The following HS3ST5 variants were observed in gnomAD, a reference collection of about 807,000 sequenced individuals.
The protein encoded by HS3ST5 is heparan sulfate-glucosamine 3-sulfotransferase 5.
In HS3ST5, 10 loss-of-function variants were observed where a neutral mutation model predicts 25.4. The observed-to-expected ratio is 0.39, with a 90% confidence interval of 0.24 to 0.67. The LOEUF (loss-of-function observed/expected upper bound fraction) is 0.67. Ranked by LOEUF, HS3ST5 falls within the 30% of genes least tolerant of loss-of-function variation. The probability of loss-of-function intolerance (pLI) is 0.44; values close to 1 mark genes in which losing one functional copy is unlikely to be tolerated. For missense variants in HS3ST5, 324 were observed against 420.7 expected, an observed-to-expected ratio of 0.77 and a Z score of 2.01; for synonymous variants, 170 against 162.4, an observed-to-expected ratio of 1.05 and a Z score of -0.36.
At chr6:114,148,589 C>G (rs559018284) in intron 3 of HS3ST5, among the ~76,000 whole-genome samples, 11 of 152,108 alleles carry the variant, frequency 7.2e-5, no homozygotes, top group Non-Finnish European at 1.6e-4. Flanking sequence ...CCACTGTACT[C>G]CATCCTGGGC....
chr6:114,240,162 T>C (rs1021691052), intron 1 of HS3ST5, among the ~76,000 whole-genome samples: 1 of 152,174 alleles, frequency 6.6e-6, no homozygotes, highest in Non-Finnish European at 1.5e-5. Flanking sequence ...ATGTCTCTGT[T>C]GCCAAACTTC....
chr6:114,097,437 AC>A (rs1477936657), intron 3 of HS3ST5, among the ~76,000 whole-genome samples: 2 of 151,992 alleles, frequency 1.3e-5, no homozygotes, highest in Non-Finnish European at 2.9e-5. Context: ...AAGCATTATT[AC>A]CAGGGAAGGA....
chr6:114,185,867 C>A (rs960454132), intron 2 of HS3ST5, among the ~76,000 whole-genome samples: 1 of 151,842 alleles, frequency 6.6e-6, no homozygotes, highest in Non-Finnish European at 1.5e-5. Flanking sequence ...GCCTCCTGAG[C>A]AGCTGGGGCT....
intron 2 of HS3ST5, among the ~76,000 whole-genome samples, chr6:114,211,535 C>T (rs1270154848): frequency 2.0e-5 from 3 of 152,040 alleles, no homozygotes; most frequent in Admixed American, 1.3e-4. Context: ...AATGATTTTT[C>T]TTTTTAGTAA....
chr6:114,317,856 TG>T (rs1347163273), intron 1 of HS3ST5, among the ~76,000 whole-genome samples: 1 of 151,940 alleles, frequency 6.6e-6, no homozygotes, highest in African/African-American at 2.4e-5. Flanking sequence ...TTAGACAGGG[TG>T]GCTAGCGATC....
intron 1 of HS3ST5, among the ~76,000 whole-genome samples, chr6:114,268,001 G>A (rs117076852): frequency 0.014 from 2,129 of 152,100 alleles, 33 homozygotes; most frequent in Non-Finnish European, 0.021. Context: ...ATATGCATTC[G>A]CAACATTAAG....
intron 3 of HS3ST5, among the ~76,000 whole-genome samples, chr6:114,141,858 TTGTG>T (rs59862071): frequency 0.11 from 15,215 of 141,154 alleles, 1,099 homozygotes; most frequent in Admixed American, 0.23. Context: ...AGATGATAGT[TTGTG>T]TGTGTGTGTG....
chr6:114,142,158 G>C (rs1482129015), intron 3 of HS3ST5, among the ~76,000 whole-genome samples: 1 of 151,782 alleles, frequency 6.6e-6, no homozygotes, highest in Admixed American at 6.6e-5. Flanking sequence ...AAGCTTTCCT[G>C]CTTGGAGCAT....
chr6:114,105,994 A>T (rs1775973110), intron 3 of HS3ST5, among the ~76,000 whole-genome samples: 1 of 152,168 alleles, frequency 6.6e-6, no homozygotes, highest in Non-Finnish European at 1.5e-5. Context: ...GTAAGCTGTA[A>T]TGTTGTTTTC....
chr6:114,157,536 A>G (rs1011487750), intron 3 of HS3ST5, among the ~76,000 whole-genome samples: 1 of 152,206 alleles, frequency 6.6e-6, no homozygotes, highest in Admixed American at 6.5e-5. Context: ...GGTTAATAAT[A>G]GTGTACTGTA....
At chr6:114,207,695 C>T (rs1781334598) in intron 2 of HS3ST5, among the ~76,000 whole-genome samples, 1 of 152,164 alleles carries the variant, frequency 6.6e-6, no homozygotes, top group South Asian at 2.1e-4. Context: ...GTCTTTTACA[C>T]CTTTCCAATG....
In HS3ST5 at chr6:114,278,549, A is replaced by G. The variant is rs145855640; in HGVS notation, c.-338-49771T>C. 4.8e-3 allele frequency among the ~76,000 whole-genome samples: 730 copies of G among 151,326 alleles called. 1 individual carries two copies. Among genetic ancestry groups the G allele is most frequent in the Non-Finnish European group, 8.1e-3 (547 of 67,692 alleles). ...AATACTGATACTTCAGTATTCTTTAAAAGTCCAGTAAAGTGAGGGACCATG... is the reference window on the plus strand; with the variant it reads ...AATACTGATACTTCAGTATTCTTTAGAAGTCCAGTAAAGTGAGGGACCATG... On this transcript the variant is annotated intron_variant, in intron 1 of 4. Transcript: ENST00000312719.
chr6:114,130,975 A>G (rs1777303171), intron 3 of HS3ST5, among the ~76,000 whole-genome samples: 1 of 152,146 alleles, frequency 6.6e-6, no homozygotes, highest in African/African-American at 2.4e-5. Context: ...CCAGGAACTC[A>G]AGGCTGCAGT....
chr6:114,185,824 A>G (rs1299317334), intron 2 of HS3ST5, among the ~76,000 whole-genome samples: 1 of 151,222 alleles, frequency 6.6e-6, no homozygotes, highest in Non-Finnish European at 1.5e-5. Flanking sequence ...ACGCAGCCTC[A>G]AACTCCAAGG....
At chr6:114,260,144 A>T (rs2114663780) in intron 1 of HS3ST5, among the ~76,000 whole-genome samples, 2 of 152,140 alleles carry the variant, frequency 1.3e-5, no homozygotes, top group East Asian at 3.9e-4. Context: ...TAAATTCAAT[A>T]TCATAATGTT....
chr6:114,159,249 C>A (rs1778830332), intron 3 of HS3ST5, among the ~76,000 whole-genome samples: 1 of 152,102 alleles, frequency 6.6e-6, no homozygotes. Context: ...GGAATAGACC[C>A]AACAGAGGTG....
At chr6:114,187,988 A>G (rs922063572) in intron 2 of HS3ST5, among the ~76,000 whole-genome samples, 2 of 152,202 alleles carry the variant, frequency 1.3e-5, no homozygotes, top group African/African-American at 4.8e-5. Flanking sequence ...TACATTTTTT[A>G]GACATACTGC....
At chr6:114,267,896 C>T (rs1032037687) in intron 1 of HS3ST5, among the ~76,000 whole-genome samples, 2 of 152,158 alleles carry the variant, frequency 1.3e-5, no homozygotes, top group African/African-American at 4.8e-5. Flanking sequence ...TTAACCTCCC[C>T]TGTTCTAGTT....
At chr6:114,060,548 G>A (rs1450906535) in intron 4 of HS3ST5, among the ~76,000 whole-genome samples, 2 of 152,122 alleles carry the variant, frequency 1.3e-5, no homozygotes, top group South Asian at 4.1e-4. Flanking sequence ...ATTCCATAAG[G>A]CATCCATTGA....
Sources: gnomAD v4.1 joint callset for allele counts (sites outside exome capture counted in the v4.1 genomes callset) on GRCh38, gnomAD v4.1.1 for gene constraint, MANE v1.5 for transcripts, NCBI Gene and HGNC (gene_info 2026-07-23, HGNC 2026-07-21) for gene names.